Variants in KHDRBS3 observed in about 807,000 individuals in gnomAD.
The protein encoded by KHDRBS3 is KH RNA binding domain containing, signal transduction associated 3.
A neutral mutation model predicts 45.6 loss-of-function variants in KHDRBS3; 23 were observed. That is an observed-to-expected ratio of 0.50 (90% CI 0.36 to 0.72). The LOEUF (loss-of-function observed/expected upper bound fraction) is 0.72, where lower values mean the gene tolerates loss of function less well. KHDRBS3 is among the 30% of genes least tolerant of loss of function. KHDRBS3 has a pLI of 0.00. For missense variants in KHDRBS3, 352 were observed against 424.8 expected (o/e 0.83, Z 1.51); for synonymous variants, 162 against 156.5 (o/e 1.04, Z -0.26).
At chr8:135,588,303 A>T (rs1361378577) in intron 6 of KHDRBS3, among the ~76,000 whole-genome samples, 1 of 152,168 alleles carries the variant, frequency 6.6e-6, no homozygotes, top group Non-Finnish European at 1.5e-5. Flanking sequence ...AGTCAGATGG[A>T]AGAGACACAT....
At chr8:135,554,969 G>A (rs181355518) in intron 4 of KHDRBS3, among the ~76,000 whole-genome samples, 4 of 152,042 alleles carry the variant, frequency 2.6e-5, no homozygotes, top group Admixed American at 1.3e-4. Flanking sequence ...TTTCTGTCTC[G>A]TTTTCATTGT....
intron 1 of KHDRBS3, among the ~76,000 whole-genome samples, chr8:135,495,039 A>G (rs772185578): frequency 1.6e-4 from 25 of 152,250 alleles, no homozygotes; most frequent in Non-Finnish European, 3.5e-4. Flanking sequence ...CTTCTCCCCT[A>G]GTCGTGCTTG....
chr8:135,613,362 A>G (rs555995187), intron 7 of KHDRBS3, among the ~76,000 whole-genome samples: 1 of 151,922 alleles, frequency 6.6e-6, no homozygotes, highest in South Asian at 2.1e-4. Flanking sequence ...GCCTCCTTTT[A>G]TAAAATGTGT....
intron 1 of KHDRBS3, among the ~76,000 whole-genome samples, chr8:135,507,255 C>T (rs1056610549): frequency 1.3e-5 from 2 of 152,114 alleles, no homozygotes; most frequent in Non-Finnish European, 2.9e-5. Flanking sequence ...ATTCCACCTC[C>T]TGTTTTTAAG....
chr8:135,532,359 A>G (rs1004625541), intron 2 of KHDRBS3, among the ~76,000 whole-genome samples: 2 of 152,152 alleles, frequency 1.3e-5, no homozygotes, highest in East Asian at 1.9e-4. Context: ...CTCCCTTTGT[A>G]TTTTTGTCCT....
chr8:135,473,218 G>A (rs920235468), intron 1 of KHDRBS3, among the ~76,000 whole-genome samples: 12 of 152,028 alleles, frequency 7.9e-5, no homozygotes, highest in Non-Finnish European at 1.6e-4. Flanking sequence ...TCCTCCGTCC[G>A]GAAAGCTTCC....
intron 2 of KHDRBS3, among the ~76,000 whole-genome samples, chr8:135,522,740 G>C (rs1184167974): frequency 6.6e-6 from 1 of 152,110 alleles, no homozygotes; most frequent in African/African-American, 2.4e-5. Flanking sequence ...AAATGTTAGA[G>C]TTCTTTATAA....
At chr8:135,502,364 A>C (rs1823777828) in intron 1 of KHDRBS3, among the ~76,000 whole-genome samples, 1 of 152,104 alleles carries the variant, frequency 6.6e-6, no homozygotes, top group Non-Finnish European at 1.5e-5. Context: ...ATATCTATGA[A>C]GTTTTGCCAA....
At chr8:135,477,875 G>GTA (rs1822370815) in intron 1 of KHDRBS3, among the ~76,000 whole-genome samples, 1 of 152,182 alleles carries the variant, frequency 6.6e-6, no homozygotes, top group Non-Finnish European at 1.5e-5. Flanking sequence ...CAGGGATACC[G>GTA]TGTTCAGATG....
intron 7 of KHDRBS3, among the ~76,000 whole-genome samples, chr8:135,636,302 T>G (rs1292204068): frequency 6.6e-6 from 1 of 152,164 alleles, no homozygotes; most frequent in Non-Finnish European, 1.5e-5. Context: ...CTTTAATAGT[T>G]GAGATTTAAT....
At chr8:135,474,447 TG>T (rs1315998488) in intron 1 of KHDRBS3, among the ~76,000 whole-genome samples, 1 of 152,228 alleles carries the variant, frequency 6.6e-6, no homozygotes, top group Non-Finnish European at 1.5e-5. Context: ...TCATTTGAGT[TG>T]GCTGATTCTC....
At chr8:135,617,182 C>T (rs903514060) in intron 7 of KHDRBS3, among the ~76,000 whole-genome samples, 16 of 151,974 alleles carry the variant, frequency 1.1e-4, no homozygotes, top group African/African-American at 3.9e-4. Flanking sequence ...CTGTAGTAGC[C>T]TGTAGTAGGT....
chr8:135,641,685 A>G (rs1831064216), intron 7 of KHDRBS3, among the ~76,000 whole-genome samples: 1 of 152,238 alleles, frequency 6.6e-6, no homozygotes, highest in African/African-American at 2.4e-5. Flanking sequence ...ATGAACAGGA[A>G]GACTCCCACG....
At chr8:135,647,613 TTG>T (rs1242118182), downstream of KHDRBS3, 1 of 152,628 alleles carries the variant, frequency 6.6e-6, no homozygotes, top group African/African-American at 2.4e-5. Context: ...GAAAGAAATT[TTG>T]TGTGTGTGAG....
intron 7 of KHDRBS3, among the ~76,000 whole-genome samples, chr8:135,609,757 C>A (rs1192206856): frequency 6.6e-6 from 1 of 151,792 alleles, no homozygotes; most frequent in African/African-American, 2.4e-5. Flanking sequence ...ACTGAGACGT[C>A]GTTATGCAGC....
At chr8:135,586,059 A>G (rs1488565897) in intron 6 of KHDRBS3, among the ~76,000 whole-genome samples, 1 of 152,210 alleles carries the variant, frequency 6.6e-6, no homozygotes, top group African/African-American at 2.4e-5. Flanking sequence ...AGAAAAACCT[A>G]CTGTAAATCT....
intron 7 of KHDRBS3, chr8:135,625,196 C>A: frequency 7.1e-7 from 1 of 1,400,072 alleles, no homozygotes; most frequent in Non-Finnish European, 1.0e-6. Context: ...TAATACTCTT[C>A]TTGCTCCTCC....
At chr8:135,556,089 C>A (rs947240118) in intron 4 of KHDRBS3, among the ~76,000 whole-genome samples, 1 of 152,168 alleles carries the variant, frequency 6.6e-6, no homozygotes, top group African/African-American at 2.4e-5. Context: ...GGCTGCATAG[C>A]ATTCCATGGT....
At chr8:135,606,879 T>G in intron 6 of KHDRBS3, 76 bp from the exon 7 acceptor site, 1 of 1,128,278 alleles carries the variant, frequency 8.9e-7, no homozygotes, top group Admixed American at 1.9e-5. Context: ...TTAATGGAAA[T>G]TCACTAAAAG....
Sources: gnomAD v4.1 joint callset for allele counts (sites outside exome capture counted in the v4.1 genomes callset) on GRCh38, gnomAD v4.1.1 for gene constraint, MANE v1.5 for transcripts, NCBI Gene and HGNC (gene_info 2026-07-23, HGNC 2026-07-21) for gene names.